KCNK2: variants seen among roughly 807,000 people sequenced by gnomAD.
The protein encoded by KCNK2 is potassium two pore domain channel subfamily K member 2.
Under a neutral mutation model 40.5 loss-of-function variants are expected in KCNK2, and 21 were observed. The ratio of observed to expected loss-of-function variants is 0.52; its 90% CI spans 0.37 to 0.75. The LOEUF (loss-of-function observed/expected upper bound fraction) is 0.75. Among genes scored for constraint, KCNK2 ranks in the 30% least tolerant of loss-of-function variants. The pLI is 0.00. For synonymous variants in KCNK2, 191 were observed against 202.2 expected, an observed-to-expected ratio of 0.94 and a Z score of 0.47; for missense variants, 399 against 531.6, an observed-to-expected ratio of 0.75 and a Z score of 2.45.
At chr1:215,057,655 C>T (rs747326918) in intron 1 of KCNK2, among the ~76,000 whole-genome samples, 1 of 151,892 alleles carries the variant, frequency 6.6e-6, no homozygotes, top group Non-Finnish European at 1.5e-5. Flanking sequence ...ATGGAAGAAA[C>T]AAAGGTAAGA....
rs1378323016 is a variant in KCNK2, at chr1:215,235,716, A to G, written c.*571A>G. On this transcript the variant is annotated 3_prime_UTR_variant, in exon 7 of 7. Transcript: ENST00000444842. ...GCTCACCTCTGCAGTCTTTTACCCC[A>G]GTTCTCCCATTTGAATACCATACCT... 1 of 152,540 alleles carries G rather than the reference A, an allele frequency of 6.6e-6. No individual in the cohort carries two copies. The highest frequency in any genetic ancestry group is 6.6e-5 in the Admixed American group (1 of 15,246). 9.4% of individuals were successfully genotyped at this position (152,540 alleles called of 1,614,324 possible).
chr1:215,040,971 A>G (rs906730310), intron 1 of KCNK2, among the ~76,000 whole-genome samples: 31 of 152,186 alleles, frequency 2.0e-4, no homozygotes, highest in African/African-American at 7.0e-4. Flanking sequence ...GAGAACTTCA[A>G]GCAACAGCAT....
intron 1 of KCNK2, among the ~76,000 whole-genome samples, chr1:215,022,019 GT>G (rs1656814314): frequency 6.8e-6 from 1 of 146,360 alleles, no homozygotes; most frequent in African/African-American, 2.5e-5. Context: ...TGTACCACCA[GT>G]TTCCTTGGTT....
At chr1:215,137,364 A>T (rs1326319342) in intron 3 of KCNK2, among the ~76,000 whole-genome samples, 2 of 152,200 alleles carry the variant, frequency 1.3e-5, no homozygotes, top group Non-Finnish European at 2.9e-5. Context: ...CACCTGTTTT[A>T]TGTAATTATT....
chr1:215,048,682 A>G (rs554311932), intron 1 of KCNK2, among the ~76,000 whole-genome samples: 20 of 152,230 alleles, frequency 1.3e-4, no homozygotes, highest in African/African-American at 4.1e-4. Context: ...TTTTGCTAGG[A>G]GTATGCCTTA....
At chr1:215,116,986 T>A in intron 2 of KCNK2, among the ~76,000 whole-genome samples, 1 of 152,118 alleles carries the variant, frequency 6.6e-6, no homozygotes, top group East Asian at 1.9e-4. Context: ...AAATATATAT[T>A]TTTATAAAGA....
At chr1:215,177,722 GTA>G (rs1553270861) in intron 5 of KCNK2, among the ~76,000 whole-genome samples, 5 of 116,250 alleles carry the variant, frequency 4.3e-5, no homozygotes, top group South Asian at 5.1e-4. Context: ...ATATATATGT[GTA>G]TATATATATA....
At chr1:215,007,400 C>G (rs1656219882) in intron 1 of KCNK2, among the ~76,000 whole-genome samples, 1 of 150,924 alleles carries the variant, frequency 6.6e-6, no homozygotes, top group Admixed American at 6.6e-5. Context: ...AAAATAAACT[C>G]AGAGGTGAAG....
At chr1:215,155,581 G>A (rs1052852594) in intron 3 of KCNK2, among the ~76,000 whole-genome samples, 13 of 152,010 alleles carry the variant, frequency 8.6e-5, no homozygotes, top group Admixed American at 3.9e-4. Context: ...GTGCAGTGGC[G>A]CGATCTCGGC....
chr1:215,049,100 C>A (rs1657886255), intron 1 of KCNK2, among the ~76,000 whole-genome samples: 1 of 152,122 alleles, frequency 6.6e-6, no homozygotes, highest in Non-Finnish European at 1.5e-5. Flanking sequence ...ATTTTACATT[C>A]CCATCAGCGT....
chr1:215,220,904 T>G (rs6689980), intron 6 of KCNK2, among the ~76,000 whole-genome samples: 3,371 of 152,226 alleles, frequency 0.022, 120 homozygotes, highest in African/African-American at 0.077. Flanking sequence ...AAACAGATGA[T>G]TACCCTCCAC....
At chr1:215,221,199 C>G (rs1666157036) in intron 6 of KCNK2, among the ~76,000 whole-genome samples, 1 of 152,160 alleles carries the variant, frequency 6.6e-6, no homozygotes, top group African/African-American at 2.4e-5. Flanking sequence ...CATGGTGAAA[C>G]CCCATCTCTA....
chr1:215,048,055 A>G (rs1026483185), intron 1 of KCNK2, among the ~76,000 whole-genome samples: 3 of 152,196 alleles, frequency 2.0e-5, no homozygotes, highest in African/African-American at 4.8e-5. Context: ...ATTATTTCCA[A>G]TTAAGTTTAT....
intron 6 of KCNK2, among the ~76,000 whole-genome samples, chr1:215,230,538 TATATACAC>T (rs1558150350): frequency 1.1e-4 from 10 of 94,696 alleles, no homozygotes; most frequent in African/African-American, 3.8e-4. Context: ...TATATGTATA[TATATACAC>T]ACACATAACA....
intron 2 of KCNK2, among the ~76,000 whole-genome samples, chr1:215,116,369 GTA>G (rs1304745498): frequency 6.6e-6 from 1 of 151,590 alleles, no homozygotes. Flanking sequence ...CCAATAATAT[GTA>G]TATTACTTTT....
At chr1:215,227,236 A>C (rs1257038683) in intron 6 of KCNK2, among the ~76,000 whole-genome samples, 1 of 152,212 alleles carries the variant, frequency 6.6e-6, no homozygotes, top group East Asian at 1.9e-4. Flanking sequence ...TGTGTTGAGC[A>C]GTAATGCTAA....
intron 5 of KCNK2, among the ~76,000 whole-genome samples, chr1:215,186,430 T>C (rs1664442595): frequency 6.6e-6 from 1 of 152,138 alleles, no homozygotes; most frequent in South Asian, 2.1e-4. Context: ...TATTTCTATG[T>C]ATTTCTAAAT....
rs539420798 is a variant in KCNK2, at chr1:215,192,057, GT to G, written c.824-2890del. 2.5e-3 allele frequency among the ~76,000 whole-genome samples: 374 copies of G among 152,140 alleles called. 1 individual carries two copies. Among genetic ancestry groups the G allele is most frequent in the Non-Finnish European group, 3.6e-3 (243 of 67,978 alleles). On this transcript the variant is annotated intron_variant, in intron 5 of 6. Coordinates refer to ENST00000444842, the MANE Select transcript of KCNK2 (RefSeq NM_001017425.3). Reference sequence around the variant, plus strand: ...AATTAATGCTTGTAAAAGTCAAGAAGTTTTTTAAAAGGTATTTCCTAATTTA... The same window carrying G: ...AATTAATGCTTGTAAAAGTCAAGAAGTTTTTAAAAGGTATTTCCTAATTTA...
intron 6 of KCNK2, among the ~76,000 whole-genome samples, chr1:215,207,350 A>G (rs1273479288): frequency 6.6e-6 from 1 of 152,154 alleles, no homozygotes; most frequent in African/African-American, 2.4e-5. Context: ...ACTCCCTATG[A>G]GAATCTAATG....
Sources: allele counts gnomAD v4.1 joint callset (sites outside exome capture counted in the v4.1 genomes callset), GRCh38; gene constraint gnomAD v4.1.1; transcripts MANE v1.5; gene names NCBI Gene and HGNC (gene_info 2026-07-23, HGNC 2026-07-21).